CUL4A: variants seen among roughly 807,000 people sequenced by gnomAD.
CUL4A encodes cullin-4A.
Under a neutral mutation model 95.5 loss-of-function variants are expected in CUL4A, and 16 were observed. The observed-to-expected ratio is 0.17, with a 90% CI of 0.11 to 0.25. The LOEUF is 0.25. CUL4A is among the 10% of genes least tolerant of loss of function. The pLI is 1.00. For synonymous variants in CUL4A, 380 were observed against 353.1 expected (o/e 1.08, Z -0.85); for missense variants, 610 against 937.0 (o/e 0.65, Z 4.56).
At chr13:113,246,619 A>C (rs9549362) in intron 15 of CUL4A, among the ~76,000 whole-genome samples, 140,195 of 152,208 alleles carry the variant, frequency 0.92, 65,635 homozygotes, top group East Asian at 1. Context: ...TAAGCCTGAT[A>C]TCAAGTAAAG....
chr13:113,255,151 T>C, intron 18 of CUL4A, 26 bp downstream of exon 18: 1 of 1,543,620 alleles, frequency 6.5e-7, no homozygotes, highest in Non-Finnish European at 8.9e-7. Context: ...CTCTTTTTAC[T>C]TATAGGGGGT....
At chr13:113,215,518 T>TC (rs2040629222) in intron 2 of CUL4A, among the ~76,000 whole-genome samples, 1 of 146,034 alleles carries the variant, frequency 6.8e-6, no homozygotes, top group African/African-American at 2.6e-5. Context: ...GGAGGTCTCG[T>TC]CCATGTGGCT....
chr13:113,235,017 C>G (rs774936446), intron 7 of CUL4A, 46 bp from the exon 8 acceptor site: 3 of 1,360,452 alleles, frequency 2.2e-6, no homozygotes, highest in East Asian at 4.6e-5. Context: ...TGGATAGTGT[C>G]GACATTCTTT....
chr13:113,230,275 C>T (rs1429671847), intron 5 of CUL4A: 1 of 152,646 alleles, frequency 6.6e-6, no homozygotes, highest in African/African-American at 2.4e-5. Context: ...ACCCACTGGG[C>T]ACGCTGACCC....
chr13:113,251,588 G>A (rs2041996023), intron 15 of CUL4A, among the ~76,000 whole-genome samples: 1 of 152,150 alleles, frequency 6.6e-6, no homozygotes, highest in South Asian at 2.1e-4. Flanking sequence ...CCCCCTTGCT[G>A]TGCTCATGGT....
chr13:113,223,531 G>A (rs2040982727), intron 3 of CUL4A, among the ~76,000 whole-genome samples: 1 of 152,144 alleles, frequency 6.6e-6, no homozygotes, highest in South Asian at 2.1e-4. Flanking sequence ...CCGAGTAGCT[G>A]GGATTACAGG....
At chr13:113,219,283 C>G (rs749644433) in intron 3 of CUL4A, 9 of 410,282 alleles carry the variant, frequency 2.2e-5, no homozygotes, top group Non-Finnish European at 3.5e-5. Context: ...AGGAAATGTT[C>G]TGAAAAATGT....
intron 2 of CUL4A, among the ~76,000 whole-genome samples, chr13:113,213,139 G>A (rs1033816186): frequency 6.6e-6 from 1 of 152,162 alleles, no homozygotes; most frequent in Non-Finnish European, 1.5e-5. Flanking sequence ...TGTAATCCCA[G>A]CACTTTGGGG....
intron 2 of CUL4A, among the ~76,000 whole-genome samples, chr13:113,211,576 G>A (rs1039899323): frequency 6.6e-6 from 1 of 152,138 alleles, no homozygotes; most frequent in Non-Finnish European, 1.5e-5. Flanking sequence ...GTAGAGTCGG[G>A]GTTTCGCCAT....
intron 2 of CUL4A, among the ~76,000 whole-genome samples, chr13:113,210,745 T>G (rs1482143236): frequency 6.6e-6 from 1 of 152,252 alleles, no homozygotes; most frequent in Non-Finnish European, 1.5e-5. Flanking sequence ...ATCTATATTT[T>G]AGGTCACGAT....
At chr13:113,210,677 A>G (rs1214699764) in intron 2 of CUL4A, among the ~76,000 whole-genome samples, 1 of 152,218 alleles carries the variant, frequency 6.6e-6, no homozygotes, top group Non-Finnish European at 1.5e-5. Flanking sequence ...TTTATTTATA[A>G]GCGACTTTTT....
At chr13:113,229,170 G>A (rs2041219399) in intron 4 of CUL4A, among the ~76,000 whole-genome samples, 1 of 152,050 alleles carries the variant, frequency 6.6e-6, no homozygotes, top group Admixed American at 6.6e-5. Context: ...TTTAGGCCTT[G>A]GCTGAACACA....
In CUL4A at chr13:113,264,292, T is replaced by C. The variant is rs963548315; in HGVS notation, c.*710T>C. 6.6e-6 allele frequency: 1 copy of C among 152,168 alleles called. No homozygotes were observed. Among genetic ancestry groups the C allele is most frequent in the African/African-American group, 2.4e-5 (1 of 41,444 alleles). The allele number at this position is 152,168 out of a possible 1,614,324, so 9.4% of individuals were successfully genotyped here. ...TCTGTTTTAGGGTTTGGGGCTAGTG[T>C]GTTTGTGTTTCCATTCTAAGATTGA... is the stretch of plus-strand genomic sequence containing the variant. On this transcript the variant is annotated 3_prime_UTR_variant, in exon 20 of 20. Coordinates refer to ENST00000375440, the MANE Select transcript of CUL4A (RefSeq NM_001008895.4).
intron 6 of CUL4A, among the ~76,000 whole-genome samples, chr13:113,233,630 C>T (rs372952128): frequency 2.0e-5 from 3 of 152,152 alleles, no homozygotes; most frequent in African/African-American, 7.2e-5. Context: ...CCAGATGACA[C>T]GCTGGGGGAA....
chr13:113,232,964 G>C (rs775794065), intron 5 of CUL4A, among the ~76,000 whole-genome samples: 4 of 152,204 alleles, frequency 2.6e-5, no homozygotes, highest in Non-Finnish European at 4.4e-5. Context: ...GCGTCTCCAG[G>C]AACGTGGAGC....
chr13:113,208,999 G>A (rs1253722666), upstream of CUL4A: 9 of 921,682 alleles, frequency 9.8e-6, no homozygotes, highest in Non-Finnish European at 1.2e-5. Flanking sequence ...AGGACCCTCC[G>A]CGCCTGGCTG....
chr13:113,257,078 C>A (rs993699208), intron 18 of CUL4A, among the ~76,000 whole-genome samples: 1 of 151,912 alleles, frequency 6.6e-6, no homozygotes. Context: ...GCATGTGCCA[C>A]CACACTCAAC....
rs749496558 is a variant in CUL4A, at chr13:113,253,220, TTTA to T, written c.1752+31_1752+33del. On this transcript the variant is annotated intron_variant, in intron 16 of 19. Coordinates refer to ENST00000375440, the MANE Select transcript of CUL4A (RefSeq NM_001008895.4). ...AGTAAGTTGTCTGTTTCATTTATTTTTTATTATTTGTAAATATGTTAATATAAT... is the reference window on the plus strand; with the variant it reads ...AGTAAGTTGTCTGTTTCATTTATTTTTTATTTGTAAATATGTTAATATAAT... 1.3e-5 allele frequency: 17 copies of T among 1,285,540 alleles called. No homozygotes were observed. In the African/African-American group the frequency reaches 2.0e-4, roughly 15 times the overall value. The allele number at this position is 1,285,540 out of a possible 1,614,324, so 79.6% of individuals were successfully genotyped here. A position where few individuals can be genotyped will look rare whatever the true frequency, so the allele number is the denominator to read the frequency against.
intron 2 of CUL4A, 104 bp downstream of exon 2, chr13:113,210,192 A>G (rs2040335172): frequency 1.4e-6 from 1 of 728,294 alleles, no homozygotes; most frequent in Non-Finnish European, 2.1e-6. Flanking sequence ...CGGGGAGCGG[A>G]AAGGCAGGGC....
Sources: gnomAD v4.1 joint callset for allele counts (sites outside exome capture counted in the v4.1 genomes callset) on GRCh38, gnomAD v4.1.1 for gene constraint, MANE v1.5 for transcripts, NCBI Gene and HGNC (gene_info 2026-07-23, HGNC 2026-07-21) for gene names.